ADAMTSL1: variants seen among roughly 807,000 people sequenced by gnomAD.
ADAMTSL1 encodes ADAMTS like 1.
ADAMTSL1 carries 126 observed loss-of-function variants against 201.8 expected under a neutral mutation model. The ratio of observed to expected loss-of-function variants is 0.62; its 90% CI spans 0.54 to 0.72. The LOEUF is 0.72. Among genes scored for constraint, ADAMTSL1 ranks in the 30% least tolerant of loss-of-function variants. The probability of loss-of-function intolerance (pLI) is 0.00; values close to 1 mark genes in which losing one functional copy is unlikely to be tolerated. For missense variants in ADAMTSL1, 2,679 were observed against 2,277.8 expected (o/e 1.18, Z -3.59); for synonymous variants, 1,121 against 903.4 (o/e 1.24, Z -4.32).
intron 1 of ADAMTSL1, among the ~76,000 whole-genome samples, chr9:18,061,307 T>C (rs1822445829): frequency 6.6e-6 from 1 of 152,200 alleles, no homozygotes; most frequent in South Asian, 2.1e-4. Flanking sequence ...GAGTAGCTTT[T>C]CTTTCACATA....
intron 2 of ADAMTSL1, among the ~76,000 whole-genome samples, chr9:18,393,793 C>T (rs576532432): frequency 6.6e-6 from 1 of 152,150 alleles, no homozygotes; most frequent in Non-Finnish European, 1.5e-5. Context: ...TGGCAGCCAT[C>T]CCACAACCTT....
rs1821081919 is a variant in ADAMTSL1, at chr9:18,777,202, C to T, written c.2973C>T (p.Ala991=). ...LAGRKGGPKE[A]LQTHKHQNGI... is the part of the protein sequence containing the mutation. ...GGAGGAAGGGCGGCCCGAAGGAGGCCCTGCAGACCCACAAACACCAGAACG... is the reference window on the plus strand; with the variant it reads ...GGAGGAAGGGCGGCCCGAAGGAGGCTCTGCAGACCCACAAACACCAGAACG... The change falls in exon 19 of 29, where the codon GCC becomes GCT. Residue 991 remains alanine, a synonymous_variant. Coordinates refer to ENST00000380548, the MANE Select transcript of ADAMTSL1 (RefSeq NM_001040272.6). 2 of 1,612,732 alleles carry T rather than the reference C, an allele frequency of 1.2e-6. No homozygotes were observed. Among genetic ancestry groups the T allele is most frequent in the African/African-American group, 1.3e-5 (1 of 74,948 alleles).
At chr9:18,456,262 T>A (rs998292788) in intron 2 of ADAMTSL1, among the ~76,000 whole-genome samples, 1 of 152,198 alleles carries the variant, frequency 6.6e-6, no homozygotes, top group African/African-American at 2.4e-5. Flanking sequence ...AAGGTCTACG[T>A]AAGTGTGCAT....
At chr9:18,558,345 T>A (rs1485406761) in intron 3 of ADAMTSL1, among the ~76,000 whole-genome samples, 1 of 152,202 alleles carries the variant, frequency 6.6e-6, no homozygotes, top group Non-Finnish European at 1.5e-5. Flanking sequence ...GAACTCATCC[T>A]TTTTTATGGC....
intron 2 of ADAMTSL1, among the ~76,000 whole-genome samples, chr9:18,224,718 C>T (rs1944750): frequency 0.99 from 150,954 of 152,200 alleles, 74,871 homozygotes; most frequent in Middle Eastern, 1. Flanking sequence ...CATTTGCCAG[C>T]GGCTTTTCTC....
intron 1 of ADAMTSL1, among the ~76,000 whole-genome samples, chr9:18,078,689 A>T (rs1329925): frequency 0.024 from 3,722 of 152,086 alleles, 79 homozygotes; most frequent in African/African-American, 0.06. Context: ...AACCCCTAGG[A>T]TGTAGGCATA....
intron 3 of ADAMTSL1, among the ~76,000 whole-genome samples, chr9:18,553,586 T>G (rs1210928937): frequency 6.6e-6 from 1 of 151,836 alleles, no homozygotes; most frequent in African/African-American, 2.4e-5. Context: ...TCCTTTAGAC[T>G]TTCTGTTAGT....
At chr9:18,307,011 C>G (rs560764901) in intron 2 of ADAMTSL1, among the ~76,000 whole-genome samples, 3 of 152,180 alleles carry the variant, frequency 2.0e-5, no homozygotes, top group Admixed American at 2.0e-4. Flanking sequence ...AGAAACCCTA[C>G]AAGCCAGAAT....
chr9:18,480,541 T>G (rs532949904), intron 1 of ADAMTSL1, among the ~76,000 whole-genome samples: 40 of 152,326 alleles, frequency 2.6e-4, no homozygotes, highest in Non-Finnish European at 5.3e-4. Flanking sequence ...CATTTAACCA[T>G]GAGCAAGAAA....
At chr9:18,449,937 G>C (rs943716000) in intron 2 of ADAMTSL1, among the ~76,000 whole-genome samples, 3 of 152,188 alleles carry the variant, frequency 2.0e-5, no homozygotes, top group Admixed American at 6.5e-5. Flanking sequence ...TGCAAAATGG[G>C]AGAGTGCTTC....
chr9:18,241,576 T>A (rs898899471), intron 2 of ADAMTSL1, among the ~76,000 whole-genome samples: 2 of 152,144 alleles, frequency 1.3e-5, no homozygotes, highest in Non-Finnish European at 1.5e-5. Flanking sequence ...ATTGCACATG[T>A]TTAACATATA....
At chr9:18,287,807 C>A (rs1322205338) in intron 2 of ADAMTSL1, among the ~76,000 whole-genome samples, 3 of 144,788 alleles carry the variant, frequency 2.1e-5, no homozygotes, top group Non-Finnish European at 1.5e-5. Flanking sequence ...TCCCACAGAA[C>A]CATAGTGGAA....
chr9:18,630,734 T>C lies in ADAMTSL1; in HGVS notation c.602-5209T>C, dbSNP rs542916789. Among the ~76,000 whole-genome samples, 149 of 152,314 alleles carry C rather than the reference T, an allele frequency of 9.8e-4. 1 individual carries two copies. Among genetic ancestry groups the C allele is most frequent in the African/African-American group, 3.4e-3 (140 of 41,588 alleles). ...GACTTTTTGATTGTTTTAGACAGAA[T>C]ATTAAATCTGGTTCCTGTTAGTTCA... is the stretch of plus-strand genomic sequence containing the variant. On this transcript the variant is annotated intron_variant, in intron 5 of 28. Coordinates refer to ENST00000380548, the MANE Select transcript of ADAMTSL1 (RefSeq NM_001040272.6).
At chr9:18,106,679 C>T (rs1383137811) in intron 1 of ADAMTSL1, among the ~76,000 whole-genome samples, 2 of 152,130 alleles carry the variant, frequency 1.3e-5, no homozygotes, top group East Asian at 1.9e-4. Context: ...ATTGAAAATG[C>T]CACCCTCACC....
At chr9:18,295,297 A>C (rs1362954477) in intron 2 of ADAMTSL1, among the ~76,000 whole-genome samples, 1 of 152,012 alleles carries the variant, frequency 6.6e-6, no homozygotes, top group African/African-American at 2.4e-5. Flanking sequence ...AATGGATGAT[A>C]TTAAAATAGA....
chr9:18,134,384 T>C (rs1393410013), intron 1 of ADAMTSL1, among the ~76,000 whole-genome samples: 1 of 152,182 alleles, frequency 6.6e-6, no homozygotes, highest in East Asian at 1.9e-4. Flanking sequence ...ATAGCCATTA[T>C]CTAATTTTGG....
intron 2 of ADAMTSL1, among the ~76,000 whole-genome samples, chr9:18,434,350 C>T (rs1819629200): frequency 6.6e-6 from 1 of 152,098 alleles, no homozygotes; most frequent in Non-Finnish European, 1.5e-5. Context: ...TGTCTCACCT[C>T]CCAACCACAA....
intron 2 of ADAMTSL1, among the ~76,000 whole-genome samples, chr9:18,431,221 T>C (rs1819475474): frequency 6.6e-6 from 1 of 152,108 alleles, no homozygotes; most frequent in Admixed American, 6.5e-5. Context: ...CCCAGAGGTG[T>C]TTTTACTTGT....
intron 7 of ADAMTSL1, among the ~76,000 whole-genome samples, chr9:18,647,572 G>T (rs905217339): frequency 2.1e-4 from 32 of 152,150 alleles, no homozygotes; most frequent in African/African-American, 2.9e-4. Flanking sequence ...GTCCCAGAGA[G>T]TCTGGTATGT....
Sources: allele counts gnomAD v4.1 joint callset (sites outside exome capture counted in the v4.1 genomes callset), GRCh38; gene constraint gnomAD v4.1.1; transcripts MANE v1.5; gene names NCBI Gene and HGNC (gene_info 2026-07-23, HGNC 2026-07-21).